Variants in MBD5 observed in about 807,000 individuals in gnomAD.
MBD5 encodes the protein methyl-CpG binding domain protein 5.
Under a neutral mutation model 117.3 loss-of-function variants are expected in MBD5, and 13 were observed. The observed-to-expected ratio is 0.11, with a 90% CI of 0.07 to 0.18. MBD5 has a LOEUF of 0.18. Ranked by LOEUF, MBD5 falls within the 10% of genes least tolerant of loss-of-function variation. The probability of loss-of-function intolerance (pLI) is 1.00; values close to 1 mark genes in which losing one functional copy is unlikely to be tolerated. For missense variants in MBD5, 1,879 were observed against 2,093.8 expected, an observed-to-expected ratio of 0.90 and a Z score of 2.00; for synonymous variants, 727 against 766.4, an observed-to-expected ratio of 0.95 and a Z score of 0.85.
intron 8 of MBD5, among the ~76,000 whole-genome samples, chr2:148,478,691 T>A (rs752512466): frequency 2.0e-5 from 3 of 152,190 alleles, no homozygotes; most frequent in Non-Finnish European, 4.4e-5. Flanking sequence ...GGCCTTCCAG[T>A]CTTCTCTCCT....
chr2:148,427,188 T>G (rs1705822598), intron 4 of MBD5, among the ~76,000 whole-genome samples: 1 of 152,160 alleles, frequency 6.6e-6, no homozygotes, highest in Non-Finnish European at 1.5e-5. Context: ...ATAGGAACAC[T>G]TTTACACTGT....
chr2:148,142,463 T>C (rs957067449), intron 1 of MBD5, among the ~76,000 whole-genome samples: 1 of 152,174 alleles, frequency 6.6e-6, no homozygotes, highest in Admixed American at 6.5e-5. Flanking sequence ...AAACAAATTT[T>C]ATTACATAGA....
chr2:148,293,147 CAAAAA>C, intron 3 of MBD5, among the ~76,000 whole-genome samples: 1 of 84,920 alleles, frequency 1.2e-5, no homozygotes, highest in South Asian at 4.4e-4. Flanking sequence ...AACCTTGCCT[CAAAAA>C]AAAAAAAAAA....
intron 3 of MBD5, among the ~76,000 whole-genome samples, chr2:148,313,077 G>A (rs1212245471): frequency 1.3e-5 from 2 of 152,058 alleles, no homozygotes; most frequent in African/African-American, 4.8e-5. Flanking sequence ...TCCTGTATGG[G>A]GTGTCTGTCG....
chr2:148,352,664 T>G (rs1703274617), intron 4 of MBD5, among the ~76,000 whole-genome samples: 1 of 152,084 alleles, frequency 6.6e-6, no homozygotes. Flanking sequence ...CAGCATAATT[T>G]TCTGGAGATT....
At position 148,028,852 on chromosome 2, in the gene MBD5, T is replaced by C. The variant is rs191348626; in HGVS notation, c.-925+7168T>C. Among the ~76,000 whole-genome samples the C allele has an allele frequency of 1.4e-3, 215 of 152,244 alleles. 1 individual carries two copies. In the Middle Eastern group the frequency reaches 0.027, roughly 19 times the overall value. On this transcript the variant is annotated intron_variant, in intron 1 of 13. Transcript: ENST00000642680. ...CTGTAATATTCAGAGGCTATTTTTT[T>C]AGTGTTATTCCAAAATCATTTTCCT...
intron 1 of MBD5, among the ~76,000 whole-genome samples, chr2:148,072,847 A>G (rs1477668523): frequency 2.0e-5 from 3 of 152,174 alleles, no homozygotes; most frequent in African/African-American, 7.2e-5. Flanking sequence ...ATGTTTATGA[A>G]TCTTTCCAAT....
At chr2:148,044,966 A>G (rs917020906) in intron 1 of MBD5, 6 of 152,128 alleles carry the variant, frequency 3.9e-5, no homozygotes, top group Non-Finnish European at 8.8e-5. Context: ...TTTATGGTAT[A>G]TTGTTTGGTA....
At chr2:148,427,237 G>A (rs954842986) in intron 4 of MBD5, among the ~76,000 whole-genome samples, 10 of 152,212 alleles carry the variant, frequency 6.6e-5, no homozygotes, top group East Asian at 1.9e-4. Flanking sequence ...TGTGGAAGTT[G>A]GCGTGGCGAT....
chr2:148,168,409 T>C (rs1050174369), intron 1 of MBD5, among the ~76,000 whole-genome samples: 1 of 152,188 alleles, frequency 6.6e-6, no homozygotes, highest in Non-Finnish European at 1.5e-5. Flanking sequence ...ATGTAGGCAA[T>C]TCCCGTTGGT....
chr2:148,239,871 G>A (rs1052051207), intron 3 of MBD5, among the ~76,000 whole-genome samples: 2 of 151,960 alleles, frequency 1.3e-5, no homozygotes, highest in African/African-American at 2.4e-5. Context: ...CTAATTTTTC[G>A]ATTTTTTGTA....
chr2:148,388,485 A>G (rs776222598), intron 4 of MBD5, among the ~76,000 whole-genome samples: 2 of 152,158 alleles, frequency 1.3e-5, no homozygotes, highest in African/African-American at 4.8e-5. Flanking sequence ...AGCATGTGTT[A>G]TTTTGCTTCA....
chr2:148,170,087 C>T (rs568997713), intron 1 of MBD5, among the ~76,000 whole-genome samples: 4 of 152,012 alleles, frequency 2.6e-5, no homozygotes, highest in African/African-American at 4.8e-5. Context: ...TTAGTAGAGA[C>T]GGGGTTTCAC....
At chr2:148,048,053 C>T (rs1457776767) in intron 1 of MBD5, among the ~76,000 whole-genome samples, 1 of 151,986 alleles carries the variant, frequency 6.6e-6, no homozygotes, top group Non-Finnish European at 1.5e-5. Context: ...TTGTTCTTTC[C>T]CTTTGAAGTC....
intron 1 of MBD5, among the ~76,000 whole-genome samples, chr2:148,047,231 T>A (rs2105730939): frequency 1.3e-5 from 2 of 152,348 alleles, no homozygotes; most frequent in East Asian, 3.9e-4. Flanking sequence ...GTTGTTTTTT[T>A]ACTTCTAGTG....
chr2:148,261,124 G>A (rs900667759), intron 3 of MBD5, among the ~76,000 whole-genome samples: 1 of 152,190 alleles, frequency 6.6e-6, no homozygotes, highest in Non-Finnish European at 1.5e-5. Context: ...CACAGGCAGA[G>A]TAGATTTAGC....
At chr2:148,174,016 C>CTG (rs1698324501) in intron 1 of MBD5, among the ~76,000 whole-genome samples, 1 of 152,062 alleles carries the variant, frequency 6.6e-6, no homozygotes, top group Admixed American at 6.5e-5. Context: ...AAGCTGGAGG[C>CTG]ATCACACTAC....
At position 148,515,215 on chromosome 2, in the gene MBD5, C is replaced by T. The variant is rs1682321266; in HGVS notation, c.*2274C>T. ...TGTGTTGATATGTAAATTTTTTAGCCTTTGCTTTTCTGTCTTCAGGCTGAG... is the reference window on the plus strand; with the variant it reads ...TGTGTTGATATGTAAATTTTTTAGCTTTTGCTTTTCTGTCTTCAGGCTGAG... On this transcript the variant is annotated 3_prime_UTR_variant, in exon 14 of 14. Coordinates refer to ENST00000642680, the MANE Select transcript of MBD5 (RefSeq NM_001378120.1). 1 of 152,048 alleles carries T rather than the reference C, an allele frequency of 6.6e-6. No individual in the cohort carries two copies. The highest frequency in any genetic ancestry group is 1.5e-5 in the Non-Finnish European group (1 of 68,010). The allele number at this position is 152,048 out of a possible 1,614,324, so 9.4% of individuals were successfully genotyped here. A position where few individuals can be genotyped will look rare whatever the true frequency, so the allele number is the denominator to read the frequency against.
chr2:148,200,195 C>T (rs1315542201), intron 2 of MBD5, among the ~76,000 whole-genome samples: 1 of 148,922 alleles, frequency 6.7e-6, no homozygotes, highest in African/African-American at 2.5e-5. Context: ...CTTTTTCCCC[C>T]CTAAGATTTA....
Sources: gnomAD v4.1 joint callset for allele counts (sites outside exome capture counted in the v4.1 genomes callset) on GRCh38, gnomAD v4.1.1 for gene constraint, MANE v1.5 for transcripts, NCBI Gene and HGNC (gene_info 2026-07-23, HGNC 2026-07-21) for gene names.